ESR2: variants seen among roughly 807,000 people sequenced by gnomAD.
The protein encoded by ESR2 is estrogen receptor 2.
In ESR2, 36 loss-of-function variants were observed where a neutral mutation model predicts 49.6. That is an observed-to-expected ratio of 0.73 (90% CI 0.56 to 0.96). The LOEUF is 0.96. ESR2 is among the 40% of genes least tolerant of loss of function. The pLI is 0.00. For synonymous variants in ESR2, 320 were observed against 266.1 expected (o/e 1.20, Z -1.97); for missense variants, 714 against 693.0 (o/e 1.03, Z -0.34).
At chr14:64,242,558 G>T (rs555007613) in intron 7 of ESR2, among the ~76,000 whole-genome samples, 1 of 151,180 alleles carries the variant, frequency 6.6e-6, no homozygotes, top group East Asian at 1.9e-4. Context: ...CAAAAATTCT[G>T]CTTGTTCATG....
chr14:64,227,275 T>C, downstream of ESR2: 1 of 500,980 alleles, frequency 2.0e-6, no homozygotes, highest in Non-Finnish European at 3.5e-6. Flanking sequence ...GTGCCCCTCA[T>C]GGGTGAGACA....
At position 64,246,734 on chromosome 14, in the gene ESR2, C is replaced by CAAAAA. The variant is rs71123836; in HGVS notation, c.1225+2807_1225+2811dup. 4.2e-3 allele frequency among the ~76,000 whole-genome samples: 153 copies of CAAAAA among 36,456 alleles called. 16 individuals are homozygous for CAAAAA. The highest frequency in any genetic ancestry group is 0.031 in the East Asian group (26 of 838). The allele number at this position is 36,456 out of a possible 152,430, so 23.9% of individuals were successfully genotyped here. ...CCTGGCCAACACAGGAAGACTCTGT[C>CAAAAA]AAAAAAAAAAAAAAAAAAAAAAAAA... is the stretch of plus-strand genomic sequence containing the variant. On this transcript the variant is annotated intron_variant, in intron 7 of 8. Coordinates refer to ENST00000341099, the MANE Select transcript of ESR2 (RefSeq NM_001437.3).
intron 7 of ESR2, among the ~76,000 whole-genome samples, chr14:64,242,653 G>A (rs1225526323): frequency 2.0e-5 from 3 of 151,986 alleles, no homozygotes; most frequent in African/African-American, 7.2e-5. Flanking sequence ...CATGCATGAG[G>A]GAAATTGGTC....
At chr14:64,290,267 C>CA in intron 1 of ESR2, among the ~76,000 whole-genome samples, 1 of 152,234 alleles carries the variant, frequency 6.6e-6, no homozygotes, top group Non-Finnish European at 1.5e-5. Flanking sequence ...GATAGGGTCT[C>CA]ACTGTGTTGC....
intron 1 of ESR2, among the ~76,000 whole-genome samples, chr14:64,326,996 C>A (rs528609286): frequency 2.4e-4 from 36 of 152,168 alleles, no homozygotes; most frequent in Non-Finnish European, 4.0e-4. Context: ...AACAAGATAA[C>A]AAAAATTGTT....
chr14:64,321,925 GA>G (rs943625078), intron 1 of ESR2, among the ~76,000 whole-genome samples: 3 of 152,012 alleles, frequency 2.0e-5, no homozygotes, highest in Non-Finnish European at 4.4e-5. Flanking sequence ...GGAGAGAGGG[GA>G]CATGGGATGC....
At chr14:64,310,118 CA>C (rs2140879974) in intron 1 of ESR2, among the ~76,000 whole-genome samples, 1 of 150,322 alleles carries the variant, frequency 6.7e-6, no homozygotes, top group East Asian at 2.0e-4. Context: ...ACTAAAAATA[CA>C]AAACTTAGCC....
At position 64,257,226 on chromosome 14, in the gene ESR2, C is replaced by T. The variant is rs1294339920; in HGVS notation, c.1091G>A (p.Arg364Lys). Residue 364 changes from arginine to lysine, a missense_variant and splice_region_variant, in exon 6 of 9, where the codon AGG becomes AAG. Transcript: ENST00000341099. ...LIFAPDLVLDRDEGKCVEGIL... is the reference protein window; with the variant it reads ...LIFAPDLVLDKDEGKCVEGIL... ...AGAAACACAATGTATTTTTTCTCAC[C>T]TGTCCAGAACAAGATCTGGAGCAAA... The T allele has an allele frequency of 1.9e-6, 3 of 1,613,742 alleles. No individual in the cohort carries two copies. Among genetic ancestry groups the T allele is most frequent in the Non-Finnish European group, 8.5e-7 (1 of 1,179,894 alleles).
intron 3 of ESR2, among the ~76,000 whole-genome samples, chr14:64,270,433 AC>A (rs1188399278): frequency 6.6e-6 from 1 of 152,206 alleles, no homozygotes; most frequent in Non-Finnish European, 1.5e-5. Flanking sequence ...CGCTGGTTAC[AC>A]AGGGATTTGC....
intron 6 of ESR2, among the ~76,000 whole-genome samples, chr14:64,256,919 T>TA (rs1219143011): frequency 2.0e-5 from 3 of 152,098 alleles, no homozygotes; most frequent in African/African-American, 4.8e-5. Context: ...ATGGAATTTT[T>TA]AATGGAGAAA....
chr14:64,326,652 AT>A (rs2077394016), intron 1 of ESR2, among the ~76,000 whole-genome samples: 1 of 152,156 alleles, frequency 6.6e-6, no homozygotes, highest in African/African-American at 2.4e-5. Flanking sequence ...GACTGCCTTT[AT>A]ACCCTACTTC....
intron 1 of ESR2, among the ~76,000 whole-genome samples, chr14:64,285,473 C>T (rs1445071124): frequency 6.6e-6 from 1 of 152,182 alleles, no homozygotes; most frequent in Non-Finnish European, 1.5e-5. Flanking sequence ...CCTTTAATCA[C>T]TTACATACAA....
intron 1 of ESR2, among the ~76,000 whole-genome samples, chr14:64,332,736 C>A (rs984580914): frequency 4.3e-4 from 64 of 147,722 alleles, no homozygotes; most frequent in Non-Finnish European, 6.7e-4. Context: ...GGAGGCGGAG[C>A]TTGCAGTGAG....
rs1258399891 is a variant in ESR2 at position 64,287,457 on chromosome 14, A to C, written c.-90-4382T>G. Among the ~76,000 whole-genome samples the C allele has an allele frequency of 6.6e-5, 10 of 152,248 alleles. No individual in the cohort carries two copies. In the South Asian group the frequency reaches 1.7e-3, roughly 25 times the overall value. ...CCCCAGAAGGATGATAATTAAAGTT[A>C]GAGAACTGACTTCTGGAGAGTCATT... is the stretch of plus-strand genomic sequence containing the variant. On this transcript the variant is annotated intron_variant, in intron 1 of 8. Transcript: ENST00000341099.
intron 7 of ESR2, among the ~76,000 whole-genome samples, chr14:64,240,313 A>G (rs1429392397): frequency 6.6e-6 from 1 of 152,186 alleles, no homozygotes; most frequent in Non-Finnish European, 1.5e-5. Context: ...GCAGCAACCA[A>G]ATGCAGCGCT....
At chr14:64,244,851 T>C (rs2075815473) in intron 7 of ESR2, among the ~76,000 whole-genome samples, 1 of 152,212 alleles carries the variant, frequency 6.6e-6, no homozygotes, top group South Asian at 2.1e-4. Flanking sequence ...TCTGTTTCTC[T>C]GGAGAAACCT....
At chr14:64,281,070 A>G (rs964668908) in intron 2 of ESR2, among the ~76,000 whole-genome samples, 3 of 152,208 alleles carry the variant, frequency 2.0e-5, no homozygotes, top group African/African-American at 4.8e-5. Context: ...TTACCTTGAG[A>G]TGAATGTGAG....
chr14:64,260,316 T>C, intron 5 of ESR2, 133 bp downstream of exon 5: 1 of 926,686 alleles, frequency 1.1e-6, no homozygotes, highest in Non-Finnish European at 1.8e-6. Context: ...ACTTAAAAGT[T>C]ACAAATCCAG....
chr14:64,268,969 T>G, intron 3 of ESR2, 58 bp from the exon 4 acceptor site: 1 of 992,056 alleles, frequency 1.0e-6, no homozygotes, highest in Non-Finnish European at 1.6e-6. Context: ...GTTAAATCTC[T>G]TCCTGGTCAA....
Sources: gnomAD v4.1 joint callset for allele counts (sites outside exome capture counted in the v4.1 genomes callset) on GRCh38, gnomAD v4.1.1 for gene constraint, MANE v1.5 for transcripts, NCBI Gene and HGNC (gene_info 2026-07-23, HGNC 2026-07-21) for gene names.